Variants in CNTN5 observed in about 807,000 individuals in gnomAD.
CNTN5 encodes the protein contactin 5.
A neutral mutation model predicts 129.1 loss-of-function variants in CNTN5; 77 were observed. That is an observed-to-expected ratio of 0.60 (90% CI 0.50 to 0.72). The LOEUF is 0.72. CNTN5 is among the 30% of genes least tolerant of loss of function. The pLI, the probability that CNTN5 is intolerant of heterozygous loss-of-function variation, is 0.00. For missense variants in CNTN5, 1,478 were observed against 1,328.8 expected, an observed-to-expected ratio of 1.11 and a Z score of -1.75; for synonymous variants, 509 against 465.6, an observed-to-expected ratio of 1.09 and a Z score of -1.20.
intron 1 of CNTN5, among the ~76,000 whole-genome samples, chr11:99,231,979 G>A (rs1057504523): frequency 3.3e-5 from 5 of 151,970 alleles, no homozygotes; most frequent in East Asian, 1.9e-4. Context: ...TCTTATTTCC[G>A]AGTTCTCTAT....
At chr11:100,284,772 G>A (rs1950729154) in intron 18 of CNTN5, among the ~76,000 whole-genome samples, 1 of 152,004 alleles carries the variant, frequency 6.6e-6, no homozygotes, top group Non-Finnish European at 1.5e-5. Flanking sequence ...CAAAGCTACT[G>A]GTATAAATCT....
chr11:99,209,864 C>T (rs1329300289), intron 1 of CNTN5, among the ~76,000 whole-genome samples: 2 of 152,042 alleles, frequency 1.3e-5, no homozygotes, highest in Non-Finnish European at 2.9e-5. Flanking sequence ...TGTCATAGTA[C>T]CATGCATCTA....
chr11:99,240,685 T>A (rs75598747), intron 1 of CNTN5, among the ~76,000 whole-genome samples: 1,972 of 152,286 alleles, frequency 0.013, 30 homozygotes, highest in African/African-American at 0.044. Context: ...ATTCCAATGC[T>A]GAACCCTGGA....
At chr11:100,327,800 A>G (rs1591517444) in intron 21 of CNTN5, among the ~76,000 whole-genome samples, 1 of 152,202 alleles carries the variant, frequency 6.6e-6, no homozygotes, top group East Asian at 1.9e-4. Context: ...AAATTTCAAT[A>G]TGCATTTTCA....
At chr11:99,160,929 A>G (rs1860578414) in intron 1 of CNTN5, among the ~76,000 whole-genome samples, 1 of 152,190 alleles carries the variant, frequency 6.6e-6, no homozygotes, top group Non-Finnish European at 1.5e-5. Context: ...ATTTCCTATA[A>G]TACACATATG....
chr11:99,339,562 G>C (rs892919445), intron 2 of CNTN5, among the ~76,000 whole-genome samples: 1 of 151,998 alleles, frequency 6.6e-6, no homozygotes, highest in Admixed American at 6.6e-5. Flanking sequence ...GGTGGATCAC[G>C]AAGTCAGGAG....
intron 8 of CNTN5, among the ~76,000 whole-genome samples, chr11:99,990,373 A>G (rs1049640394): frequency 6.6e-6 from 1 of 151,354 alleles, no homozygotes; most frequent in African/African-American, 2.4e-5. Flanking sequence ...TATTTTTAGA[A>G]TGTATTTATT....
chr11:99,457,033 C>T (rs964966792), intron 2 of CNTN5, among the ~76,000 whole-genome samples: 35 of 151,918 alleles, frequency 2.3e-4, no homozygotes, highest in African/African-American at 8.2e-4. Context: ...AGAATTTAAA[C>T]TCTAATCAAT....
chr11:99,610,155 C>G (rs763432951), intron 3 of CNTN5, among the ~76,000 whole-genome samples: 1 of 152,156 alleles, frequency 6.6e-6, no homozygotes, highest in East Asian at 1.9e-4. Context: ...GTGCAAAACA[C>G]TTAGCATAAT....
intron 3 of CNTN5, among the ~76,000 whole-genome samples, chr11:99,725,821 TA>T (rs1343576604): frequency 1.3e-5 from 2 of 152,298 alleles, no homozygotes; most frequent in African/African-American, 4.8e-5. Context: ...GTACCAGCTT[TA>T]TTAAACACAA....
chr11:99,148,944 G>A (rs889431676), intron 1 of CNTN5, among the ~76,000 whole-genome samples: 2 of 151,872 alleles, frequency 1.3e-5, no homozygotes, highest in Non-Finnish European at 2.9e-5. Context: ...CAATTTTAAA[G>A]AACAGTAAAA....
intron 15 of CNTN5, among the ~76,000 whole-genome samples, chr11:100,197,426 C>T (rs1299993581): frequency 1.3e-5 from 2 of 151,792 alleles, no homozygotes; most frequent in Non-Finnish European, 2.9e-5. Flanking sequence ...TCAGTGTAGA[C>T]CTGTTAAGTA....
intron 2 of CNTN5, among the ~76,000 whole-genome samples, chr11:99,552,473 G>A (rs1446331589): frequency 2.6e-5 from 4 of 152,002 alleles, no homozygotes; most frequent in African/African-American, 4.8e-5. Flanking sequence ...TAAAAATAAG[G>A]CAGGGCAAAT....
chr11:100,152,913 G>A (rs560464136), intron 13 of CNTN5, among the ~76,000 whole-genome samples: 4 of 152,090 alleles, frequency 2.6e-5, no homozygotes, highest in East Asian at 3.9e-4. Flanking sequence ...GCCAGGATCT[G>A]CCTCCTCAGG....
At chr11:100,249,604 G>A (rs1949919781) in intron 16 of CNTN5, among the ~76,000 whole-genome samples, 3 of 152,174 alleles carry the variant, frequency 2.0e-5, no homozygotes, top group African/African-American at 7.2e-5. Context: ...GATTTCTACT[G>A]AATGAGTGGC....
At chr11:99,947,086 A>G (rs1591464292) in intron 7 of CNTN5, among the ~76,000 whole-genome samples, 1 of 146,152 alleles carries the variant, frequency 6.8e-6, no homozygotes, top group Non-Finnish European at 1.5e-5. Flanking sequence ...AAATATAAAC[A>G]TGATTATAAA....
intron 1 of CNTN5, among the ~76,000 whole-genome samples, chr11:99,234,110 T>TTTC (rs1861145072): frequency 6.6e-6 from 1 of 152,210 alleles, no homozygotes; most frequent in Non-Finnish European, 1.5e-5. Flanking sequence ...TTCTGAATGT[T>TTTC]TTCTTGGTTT....
chr11:99,787,119 T>TATTC (rs1292118486), intron 3 of CNTN5, among the ~76,000 whole-genome samples: 3 of 150,418 alleles, frequency 2.0e-5, no homozygotes, highest in African/African-American at 7.3e-5. Flanking sequence ...TTTATTTATT[T>TATTC]ATTATTATTA....
At position 99,382,845 on chromosome 11, in the gene CNTN5, C is replaced by CTTTTTTTTTTTTTTTTTTT. The variant is rs1163660333; in HGVS notation, c.-71+57373_-71+57391dup. ...ACATCTCACTAGTGTCTCTAAATAACTTTTTTTTTTTTTTTTTTTTTTTTT... is the reference window on the plus strand; with the variant it reads ...ACATCTCACTAGTGTCTCTAAATAACTTTTTTTTTTTTTTTTTTTTTTTTTTTTTTTTTTTTTTTTTTTT... On this transcript the variant is annotated intron_variant, in intron 2 of 24. Transcript: ENST00000524871. Among the ~76,000 whole-genome samples, 25 of 77,040 alleles carry CTTTTTTTTTTTTTTTTTTT rather than the reference C, an allele frequency of 3.2e-4. 4 individuals carry two copies. The highest frequency in any genetic ancestry group is 2.1e-3 in the East Asian group (4 of 1,894). The allele number at this position is 77,040 out of a possible 152,430, so 50.5% of individuals were successfully genotyped here.
Sources: allele counts gnomAD v4.1 joint callset (sites outside exome capture counted in the v4.1 genomes callset), GRCh38; gene constraint gnomAD v4.1.1; transcripts MANE v1.5; gene names NCBI Gene and HGNC (gene_info 2026-07-23, HGNC 2026-07-21).